Variants in PPM1E observed in about 807,000 individuals in gnomAD.
PPM1E encodes the protein protein phosphatase, Mg2+/Mn2+ dependent 1E, also known as protein phosphatase 1E.
A neutral mutation model predicts 65.9 loss-of-function variants in PPM1E; 20 were observed. The observed-to-expected ratio is 0.30, with a 90% CI of 0.21 to 0.44. The LOEUF is 0.44. Ranked by LOEUF, PPM1E falls within the 20% of genes least tolerant of loss-of-function variation. PPM1E has a pLI of 1.00. For missense variants in PPM1E, 713 were observed against 953.1 expected, an observed-to-expected ratio of 0.75 and a Z score of 3.32; for synonymous variants, 352 against 374.9, an observed-to-expected ratio of 0.94 and a Z score of 0.70.
intron 2 of PPM1E, among the ~76,000 whole-genome samples, chr17:58,957,583 C>T (rs2029895904): frequency 6.6e-6 from 1 of 152,114 alleles, no homozygotes; most frequent in African/African-American, 2.4e-5. Flanking sequence ...CAGAGAATCT[C>T]TATGGGGCAT....
At chr17:58,925,924 G>T (rs959434634) in intron 1 of PPM1E, among the ~76,000 whole-genome samples, 1 of 152,090 alleles carries the variant, frequency 6.6e-6, no homozygotes, top group Non-Finnish European at 1.5e-5. Context: ...ATATATAAAT[G>T]ATTTCATTAA....
chr17:58,816,459 A>G (rs1217725517), intron 1 of PPM1E, among the ~76,000 whole-genome samples: 3 of 151,554 alleles, frequency 2.0e-5, no homozygotes, highest in Non-Finnish European at 2.9e-5. Flanking sequence ...TACACTCACA[A>G]TGTTGTGTAA....
At chr17:58,815,828 A>AT (rs976216419) in intron 1 of PPM1E, among the ~76,000 whole-genome samples, 3 of 151,962 alleles carry the variant, frequency 2.0e-5, no homozygotes, top group African/African-American at 7.3e-5. Flanking sequence ...GATAAGAGAG[A>AT]TTTTTTATAG....
At chr17:58,915,491 T>C (rs1230301378) in intron 1 of PPM1E, among the ~76,000 whole-genome samples, 1 of 152,204 alleles carries the variant, frequency 6.6e-6, no homozygotes, top group Non-Finnish European at 1.5e-5. Flanking sequence ...ATCCTATGGC[T>C]TAGAATGCCT....
chr17:58,860,584 C>T (rs2050928660), intron 1 of PPM1E, among the ~76,000 whole-genome samples: 1 of 152,196 alleles, frequency 6.6e-6, no homozygotes, highest in African/African-American at 2.4e-5. Flanking sequence ...ATCCCCAATT[C>T]AAGTTGTCTC....
chr17:58,892,600 A>G (rs1380666621), intron 1 of PPM1E, among the ~76,000 whole-genome samples: 2 of 152,134 alleles, frequency 1.3e-5, no homozygotes, highest in Non-Finnish European at 2.9e-5. Context: ...TAATAAAATG[A>G]TAAAATAATA....
At chr17:58,822,807 G>A (rs531421738) in intron 1 of PPM1E, among the ~76,000 whole-genome samples, 1 of 152,144 alleles carries the variant, frequency 6.6e-6, no homozygotes, top group South Asian at 2.1e-4. Context: ...GATAATTAAA[G>A]TTATGCTATC....
rs1209995658 is a variant in PPM1E, at chr17:58,960,774, AAAAAAAAG to A, written c.584-4914_584-4907del. ...GAGCAAGACTCTGTCTCAAAAAAAA[AAAAAAAAG>A]AAAAATAATTATAATAAAGCAAAGT... On this transcript the variant is annotated intron_variant, in intron 2 of 6. Coordinates refer to ENST00000308249, the MANE Select transcript of PPM1E (RefSeq NM_014906.5). 3.6e-4 allele frequency among the ~76,000 whole-genome samples: 54 copies of A among 151,784 alleles called. 1 individual carries two copies. Among genetic ancestry groups the A allele is most frequent in the South Asian group, 6.2e-4 (3 of 4,828 alleles).
At position 58,829,568 on chromosome 17, in the gene PPM1E, G is replaced by A. The variant is rs1468751749; in HGVS notation, c.464+73107G>A. Among the ~76,000 whole-genome samples the A allele has an allele frequency of 4.6e-5, 7 of 152,066 alleles. No homozygotes were observed. The South Asian group carries it at 6.2e-4, about 14-fold the overall frequency. ...CTGCCTGTTCCAGTCCAGACTGTACGTGCTGTATACCTTCTGTACAGCTGA... is the reference window on the plus strand; with the variant it reads ...CTGCCTGTTCCAGTCCAGACTGTACATGCTGTATACCTTCTGTACAGCTGA... On this transcript the variant is annotated intron_variant, in intron 1 of 6. Transcript: ENST00000308249.
At chr17:58,901,538 C>T (rs2051498860) in intron 1 of PPM1E, among the ~76,000 whole-genome samples, 1 of 151,814 alleles carries the variant, frequency 6.6e-6, no homozygotes, top group Admixed American at 6.6e-5. Flanking sequence ...ATTAGCCGGG[C>T]ATGGTGGTCT....
chr17:58,843,370 T>C (rs564668391), intron 1 of PPM1E, among the ~76,000 whole-genome samples: 142 of 150,874 alleles, frequency 9.4e-4, no homozygotes, highest in African/African-American at 3.3e-3. Context: ...AATAAAAAAC[T>C]AGCTGGGCGT....
intron 1 of PPM1E, among the ~76,000 whole-genome samples, chr17:58,812,717 C>A (rs977765453): frequency 6.6e-6 from 1 of 152,094 alleles, no homozygotes; most frequent in Admixed American, 6.6e-5. Context: ...CCATGCCCAG[C>A]TAATTTTTTG....
chr17:58,934,707 G>A (rs1217976730), intron 1 of PPM1E, among the ~76,000 whole-genome samples: 3 of 151,954 alleles, frequency 2.0e-5, no homozygotes, highest in Non-Finnish European at 2.9e-5. Flanking sequence ...CGGGTGGATC[G>A]CTTGAGGTCA....
chr17:58,840,032 G>T (rs554038890), intron 1 of PPM1E, among the ~76,000 whole-genome samples: 3 of 152,190 alleles, frequency 2.0e-5, no homozygotes, highest in Non-Finnish European at 4.4e-5. Flanking sequence ...TATATTTACA[G>T]TTATGGTTTA....
chr17:58,984,031 GC>G lies in PPM1E; in HGVS notation c.*3001del. 6.6e-6 allele frequency: 1 copy of G among 152,554 alleles called. No homozygotes were observed. Among genetic ancestry groups the G allele is most frequent in the Non-Finnish European group, 1.5e-5 (1 of 68,012 alleles). The allele number at this position is 152,554 out of a possible 1,614,324, so 9.5% of individuals were successfully genotyped here. ...CAACATTACAGCAACACACACTGGG[GC>G]TATTAATCCCATTTAGGTCTGTACT... On this transcript the variant is annotated 3_prime_UTR_variant, in exon 7 of 7. Transcript: ENST00000308249.
At chr17:58,914,823 C>T (rs760196693) in intron 1 of PPM1E, among the ~76,000 whole-genome samples, 29 of 152,154 alleles carry the variant, frequency 1.9e-4, no homozygotes, top group Non-Finnish European at 3.4e-4. Flanking sequence ...TTAAAAAGTA[C>T]ACATAATCTA....
chr17:58,918,220 G>A (rs1410324212), intron 1 of PPM1E, among the ~76,000 whole-genome samples: 2 of 152,104 alleles, frequency 1.3e-5, no homozygotes, highest in Non-Finnish European at 2.9e-5. Flanking sequence ...AGAATAAGAG[G>A]GTAATTAAGC....
intron 1 of PPM1E, among the ~76,000 whole-genome samples, chr17:58,805,995 CAAAA>C (rs1255860609): frequency 2.8e-5 from 2 of 70,686 alleles, no homozygotes; most frequent in East Asian, 9.5e-4. Flanking sequence ...CAAAACAAAA[CAAAA>C]CAAAAAAAAA....
intron 1 of PPM1E, among the ~76,000 whole-genome samples, chr17:58,764,105 A>T (rs997049145): frequency 2.0e-5 from 3 of 151,884 alleles, no homozygotes; most frequent in Admixed American, 1.3e-4. Context: ...CCATATTAAG[A>T]TATTATTAAT....
Sources: gnomAD v4.1 joint callset for allele counts (sites outside exome capture counted in the v4.1 genomes callset) on GRCh38, gnomAD v4.1.1 for gene constraint, MANE v1.5 for transcripts, NCBI Gene and HGNC (gene_info 2026-07-23, HGNC 2026-07-21) for gene names.